The following R3HDML variants were observed in gnomAD, a reference collection of about 807,000 sequenced individuals.
R3HDML encodes peptidase inhibitor R3HDML.
In R3HDML, 21 loss-of-function variants were observed where a neutral mutation model predicts 24.2. The ratio of observed to expected loss-of-function variants is 0.87; its 90% CI spans 0.62 to 1.25. The LOEUF is 1.25. R3HDML is among the 50% of genes most tolerant of loss of function. The probability of loss-of-function intolerance (pLI) is 0.00; values close to 1 mark genes in which losing one functional copy is unlikely to be tolerated. For synonymous variants in R3HDML, 133 were observed against 131.5 expected (o/e 1.01, Z -0.08); for missense variants, 301 against 340.3 (o/e 0.88, Z 0.91).
chr20:44,349,403 C>T (rs779300847), intron 4 of R3HDML, among the ~76,000 whole-genome samples: 109 of 123,318 alleles, frequency 8.8e-4, no homozygotes, highest in Non-Finnish European at 1.9e-3. Flanking sequence ...CCAGGTATCA[C>T]CACCACCCAC....
chr20:44,346,017 G>T (rs1354208440), intron 4 of R3HDML, among the ~76,000 whole-genome samples: 1 of 152,028 alleles, frequency 6.6e-6, no homozygotes, highest in East Asian at 1.9e-4. Context: ...ACAAGGTTTC[G>T]CCATGTTGGC....
At chr20:44,344,296 G>T (rs1425751318) in intron 3 of R3HDML, among the ~76,000 whole-genome samples, 2 of 149,260 alleles carry the variant, frequency 1.3e-5, no homozygotes, top group Non-Finnish European at 3.0e-5. Context: ...AAAAAAAAAA[G>T]TGAAGCTTGG....
chr20:44,340,659 G>A (rs556181115), intron 1 of R3HDML, among the ~76,000 whole-genome samples: 4 of 151,920 alleles, frequency 2.6e-5, no homozygotes, highest in South Asian at 2.1e-4. Flanking sequence ...GGTGGCATGC[G>A]CCTGCAGTCC....
At chr20:44,340,856 A>C (rs972262110) in intron 1 of R3HDML, among the ~76,000 whole-genome samples, 1 of 152,226 alleles carries the variant, frequency 6.6e-6, no homozygotes, top group Non-Finnish European at 1.5e-5. Context: ...AAATACTATA[A>C]GTACAATTTA....
At chr20:44,348,019 C>G (rs890441478) in intron 4 of R3HDML, among the ~76,000 whole-genome samples, 4 of 134,212 alleles carry the variant, frequency 3.0e-5, no homozygotes, top group African/African-American at 8.6e-5. Context: ...CTCGGAAGTA[C>G]AGTGGCATGG....
intron 2 of R3HDML, among the ~76,000 whole-genome samples, chr20:44,342,447 C>G (rs943588942): frequency 1.3e-5 from 2 of 152,078 alleles, no homozygotes; most frequent in Non-Finnish European, 1.5e-5. Context: ...ATTTCACTTT[C>G]CCTCTCCCCC....
At chr20:44,343,832 T>C (rs758983853) in intron 3 of R3HDML, among the ~76,000 whole-genome samples, 1 of 151,864 alleles carries the variant, frequency 6.6e-6, no homozygotes, top group African/African-American at 2.4e-5. Flanking sequence ...AATTAAAAGT[T>C]ATATATATAT....
intron 3 of R3HDML, chr20:44,344,816 CA>C (rs796903280): frequency 3.7e-3 from 546 of 146,352 alleles, no homozygotes; most frequent in Middle Eastern, 0.01. Context: ...TAGTGACTGT[CA>C]AAAAAAAAAA....
In R3HDML at chr20:44,343,439, C is replaced by T. The variant is rs537897186; in HGVS notation, c.443C>T (p.Pro148Leu). The T allele has an allele frequency of 7.8e-5, 126 of 1,613,252 alleles. 1 individual carries two copies. In the South Asian group the frequency reaches 8.8e-4, roughly 11 times the overall value. Reference sequence around the variant, plus strand: ...GAGGAGAAGTGGCATTACTTGTTTCCGGCCCCAAGGGACTGTAACCCACAC... The same window carrying T: ...GAGGAGAAGTGGCATTACTTGTTTCTGGCCCCAAGGGACTGTAACCCACAC... ...WSEEKWHYLF[P>L]APRDCNPHCP... Residue 148 changes from proline to leucine, a missense_variant, in exon 3 of 5, where the codon CCG becomes CTG. By Grantham distance (98) the Pro-to-Leu change is moderately conservative. Transcript: ENST00000217043.
intron 4 of R3HDML, among the ~76,000 whole-genome samples, chr20:44,349,729 C>A (rs1475858198): frequency 6.6e-6 from 1 of 152,098 alleles, no homozygotes; most frequent in Non-Finnish European, 1.5e-5. Context: ...TATTAGGCAG[C>A]CATGAGCAAG....
rs747795041 is a variant in R3HDML at position 44,337,308 on chromosome 20, A to C, written c.151A>C (p.Arg51=). Residue 51 remains arginine, a synonymous_variant, in exon 1 of 5, where the codon AGG becomes CGG. Coordinates refer to ENST00000217043, the MANE Select transcript of R3HDML (RefSeq NM_178491.4). The surrounding 1 kb of genome is among the most constrained non-coding windows in gnomAD (Gnocchi z 4.7). ...MRLLSGLEVP[R]YRRKRHISVR... The stretch of plus-strand genomic sequence containing the variant: ...GCTCCTGAGTGGCCTGGAGGTGCCC[A>C]GGTACCGCCGGAAGCGCCACATCTC... 3.7e-6 allele frequency: 6 copies of C among 1,614,178 alleles called. No homozygotes were observed. The highest frequency in any genetic ancestry group is 3.3e-5 in the Admixed American group (2 of 60,022).
At chr20:44,343,557 G>T (rs374924423) in intron 3 of R3HDML, 48 bp downstream of exon 3, 2 of 1,515,350 alleles carry the variant, frequency 1.3e-6, no homozygotes, top group Non-Finnish European at 1.8e-6. Context: ...ACATCCTGGC[G>T]CCTTAGAAGA....
rs1415263165 is a variant in R3HDML at position 44,351,113 on chromosome 20, T to A, written c.*321T>A. 3 of 258,108 alleles carry A rather than the reference T, an allele frequency of 1.2e-5. No individual in the cohort carries two copies. The highest frequency in any genetic ancestry group is 5.9e-5 in the Admixed American group (1 of 17,030). 16.0% of individuals were successfully genotyped at this position (258,108 alleles called of 1,614,324 possible). On this transcript the variant is annotated 3_prime_UTR_variant, in exon 5 of 5. Transcript: ENST00000217043. ...GCACCTTGGGACCAGGCATAATGGCTCACACCTATAATCCCAGTATTTTGG... is the reference window on the plus strand; with the variant it reads ...GCACCTTGGGACCAGGCATAATGGCACACACCTATAATCCCAGTATTTTGG...
At chr20:44,338,563 C>T (rs2062763907) in intron 1 of R3HDML, among the ~76,000 whole-genome samples, 1 of 152,132 alleles carries the variant, frequency 6.6e-6, no homozygotes, top group Non-Finnish European at 1.5e-5. Flanking sequence ...ATTTTTCAAA[C>T]AAATGGCACA....
At chr20:44,343,650 A>G in intron 3 of R3HDML, 141 bp downstream of exon 3, 3 of 880,448 alleles carry the variant, frequency 3.4e-6, no homozygotes, top group Non-Finnish European at 5.0e-6. Context: ...ATTCCTGGAA[A>G]GTTGTGTGCA....
intron 2 of R3HDML, among the ~76,000 whole-genome samples, chr20:44,341,545 G>A (rs2062772479): frequency 6.6e-6 from 1 of 152,218 alleles, no homozygotes; most frequent in Admixed American, 6.5e-5. Flanking sequence ...ACAAACAAGT[G>A]CACAGATTGT....
intron 4 of R3HDML, 33 bp downstream of exon 4, chr20:44,345,411 G>A: frequency 6.7e-7 from 1 of 1,497,228 alleles, no homozygotes; most frequent in Non-Finnish European, 9.2e-7. Context: ...AGAGGGCCCT[G>A]GGGCCGGCGG....
At position 44,337,588 on chromosome 20, in the gene R3HDML, C is replaced by A. The variant is rs974228417; in HGVS notation, c.261+170C>A. 6.6e-6 allele frequency among the ~76,000 whole-genome samples: 1 copy of A among 152,158 alleles called. No homozygotes were observed. The highest frequency in any genetic ancestry group is 1.5e-5 in the Non-Finnish European group (1 of 68,032). On this transcript the variant is annotated intron_variant, in intron 1 of 4. Transcript: ENST00000217043. This position sits in a 1 kb window ranked among gnomAD's most constrained non-coding sequence, Gnocchi z 4.7. ...TGTGGAAAGGGCAGGAGTTAATCTG[C>A]CCATTTTACAGATGAGGAAACCAAG...
In R3HDML at chr20:44,351,045, T is replaced by TA. The variant is rs949384308; in HGVS notation, c.*255dup. The TA allele has an allele frequency of 4.9e-5, 20 of 405,178 alleles. No individual in the cohort carries two copies. The highest frequency in any genetic ancestry group is 2.4e-4 in the South Asian group (8 of 33,686). 25.1% of individuals were successfully genotyped at this position (405,178 alleles called of 1,614,324 possible). A position where few individuals can be genotyped will look rare whatever the true frequency, so the allele number is the denominator to read the frequency against. On this transcript the variant is annotated 3_prime_UTR_variant, in exon 5 of 5. Transcript: ENST00000217043. Reference sequence around the variant, plus strand: ...TGGGAAAGAGCCCTGCATCTTTCATTAATTCGGTTCTCAGAGAACCAAGGC... The same window carrying TA: ...TGGGAAAGAGCCCTGCATCTTTCATTAAATTCGGTTCTCAGAGAACCAAGGC...
Sources: allele counts gnomAD v4.1 joint callset (sites outside exome capture counted in the v4.1 genomes callset), GRCh38; gene constraint gnomAD v4.1.1; non-coding constraint Gnocchi (gnomAD v3.1); transcripts MANE v1.5; gene names NCBI Gene and HGNC (gene_info 2026-07-23, HGNC 2026-07-21).